The following SCN11A variants were observed in gnomAD, a reference collection of about 807,000 sequenced individuals.
The protein encoded by SCN11A is sodium voltage-gated channel alpha subunit 11, also known as sodium channel protein type 11 subunit alpha.
In SCN11A, 122 loss-of-function variants were observed where a neutral mutation model predicts 162.2. The ratio of observed to expected loss-of-function variants is 0.75; its 90% CI spans 0.65 to 0.87. The LOEUF (loss-of-function observed/expected upper bound fraction) is 0.87. Among genes scored for constraint, SCN11A ranks in the 40% least tolerant of loss-of-function variants. SCN11A has a pLI of 0.00. For synonymous variants in SCN11A, 758 were observed against 751.5 expected, an observed-to-expected ratio of 1.01 and a Z score of -0.14; for missense variants, 2,015 against 2,181.6, an observed-to-expected ratio of 0.92 and a Z score of 1.52.
In SCN11A at chr3:38,880,180, G is replaced by A. The variant is rs546079576; in HGVS notation, c.3220-57C>T. The A allele has an allele frequency of 4.6e-4, 595 of 1,297,594 alleles. 5 individuals are homozygous for A. The African/African-American group carries it at 6.8e-3, about 15-fold the overall frequency. 80.4% of individuals were successfully genotyped at this position (1,297,594 alleles called of 1,614,324 possible). On this transcript the variant is annotated intron_variant, in intron 22 of 29. Coordinates refer to ENST00000302328, the MANE Select transcript of SCN11A (RefSeq NM_001349253.2). ...TTGAATATTTGCAAAGAACTCCTTG[G>A]TAACTTTACTTTTTGTTTTTCTTCC...
intron 2 of SCN11A, among the ~76,000 whole-genome samples, chr3:38,998,207 AAC>A (rs2030702227): frequency 6.6e-6 from 1 of 152,226 alleles, no homozygotes; most frequent in Non-Finnish European, 1.5e-5. Flanking sequence ...AGGAAGAACA[AAC>A]AGTTATCTCT....
At chr3:39,013,452 A>C (rs971945593) in intron 2 of SCN11A, among the ~76,000 whole-genome samples, 7 of 148,006 alleles carry the variant, frequency 4.7e-5, no homozygotes, top group African/African-American at 1.8e-4. Context: ...TTTTTTTTCC[A>C]GTCTCCCAGT....
At chr3:38,998,800 C>T (rs905895245) in intron 2 of SCN11A, among the ~76,000 whole-genome samples, 1 of 150,442 alleles carries the variant, frequency 6.6e-6, no homozygotes, top group Non-Finnish European at 1.5e-5. Context: ...AGCAAACTAT[C>T]ACAAGGACAA....
chr3:38,999,401 AAAG>A (rs775235503), intron 2 of SCN11A, among the ~76,000 whole-genome samples: 24 of 152,344 alleles, frequency 1.6e-4, no homozygotes, highest in Non-Finnish European at 3.2e-4. Context: ...TCAAGATTTT[AAAG>A]AAGGTAAATT....
intron 2 of SCN11A, among the ~76,000 whole-genome samples, chr3:38,978,641 G>A (rs1467580132): frequency 9.2e-6 from 1 of 108,944 alleles, no homozygotes; most frequent in East Asian, 2.7e-4. Flanking sequence ...GTGAGACCCT[G>A]TCTCAAAAAA....
intron 2 of SCN11A, among the ~76,000 whole-genome samples, chr3:38,966,951 G>C (rs2066786467): frequency 6.6e-6 from 1 of 152,226 alleles, no homozygotes; most frequent in Non-Finnish European, 1.5e-5. Context: ...TATTTGGAAA[G>C]TGATCTCAGG....
chr3:38,916,345 T>C (rs149483449), intron 11 of SCN11A, among the ~76,000 whole-genome samples: 3 of 152,326 alleles, frequency 2.0e-5, no homozygotes, highest in African/African-American at 7.2e-5. Flanking sequence ...TTCTGTCTCC[T>C]AAACGTCTCT....
At chr3:38,930,874 T>A (rs906878875) in intron 7 of SCN11A, among the ~76,000 whole-genome samples, 2 of 152,184 alleles carry the variant, frequency 1.3e-5, no homozygotes, top group African/African-American at 4.8e-5. Flanking sequence ...CTCCTGCCTC[T>A]CTGCTTAAAG....
chr3:38,907,310 A>ATGTGTGTGTGTGTG (rs141158768), intron 14 of SCN11A, among the ~76,000 whole-genome samples: 5,113 of 118,960 alleles, frequency 0.043, 122 homozygotes, highest in Middle Eastern at 0.077. Context: ...ACCAACATAT[A>ATGTGTGTGTGTGTG]TGTGTGTGTG....
At chr3:39,051,834 A>G (rs779718594) in intron 1 of SCN11A, among the ~76,000 whole-genome samples, 27 bp downstream of exon 1, 6 of 152,126 alleles carry the variant, frequency 3.9e-5, no homozygotes, top group Non-Finnish European at 7.4e-5. Context: ...ATACTTGCAC[A>G]GTGGTTTTGT....
chr3:38,927,153 T>G (rs1307329930), intron 7 of SCN11A, among the ~76,000 whole-genome samples: 1 of 152,208 alleles, frequency 6.6e-6, no homozygotes, highest in East Asian at 1.9e-4. Flanking sequence ...GAAGCTGCAT[T>G]TCAAGGCCTA....
At chr3:38,978,575 G>A (rs1165061968) in intron 2 of SCN11A, among the ~76,000 whole-genome samples, 3 of 152,048 alleles carry the variant, frequency 2.0e-5, no homozygotes, top group Non-Finnish European at 4.4e-5. Context: ...GAGCCTGGGA[G>A]GCAGAGGTTG....
intron 26 of SCN11A, among the ~76,000 whole-genome samples, chr3:38,869,627 A>G (rs1181536579): frequency 6.6e-6 from 1 of 152,176 alleles, no homozygotes; most frequent in Non-Finnish European, 1.5e-5. Flanking sequence ...GAATGGCCAT[A>G]AAGATTAATT....
chr3:38,878,792 C>T (rs1653204834), intron 23 of SCN11A, among the ~76,000 whole-genome samples: 1 of 152,046 alleles, frequency 6.6e-6, no homozygotes, highest in Non-Finnish European at 1.5e-5. Flanking sequence ...ATTAAATGAA[C>T]ACATGGTCTA....
chr3:38,939,566 TTCTC>T (rs1248118323), intron 7 of SCN11A, among the ~76,000 whole-genome samples: 3 of 152,188 alleles, frequency 2.0e-5, no homozygotes, highest in Admixed American at 6.5e-5. Flanking sequence ...TACTGGATAA[TTCTC>T]TCTTTCTTTC....
chr3:38,859,033 G>C (rs2064919658), intron 28 of SCN11A, among the ~76,000 whole-genome samples: 1 of 151,934 alleles, frequency 6.6e-6, no homozygotes, highest in Non-Finnish European at 1.5e-5. Flanking sequence ...GGTGCTAAGA[G>C]GAAAGTTTGT....
intron 11 of SCN11A, among the ~76,000 whole-genome samples, chr3:38,916,019 G>C (rs1297128997): frequency 2.0e-5 from 3 of 152,054 alleles, no homozygotes; most frequent in African/African-American, 7.2e-5. Context: ...GATTAGTTAG[G>C]TCTTCTTGTT....
chr3:38,907,983 G>A lies in SCN11A; in HGVS notation c.1439C>T (p.Pro480Leu). The change falls in exon 14 of 30, where the codon CCT becomes CTT. Residue 480 changes from proline (P) to leucine (L), a missense_variant. Coordinates refer to ENST00000302328, the MANE Select transcript of SCN11A (RefSeq NM_001349253.2). ...GCAATCTTCATCAGAATCTGACCCA[G>A]GAGGCTGGTCTTTCCCAGACTCTCT... ...FLRESGKDQP[P>L]GSDSDEDCQK... The A allele has an allele frequency of 1.2e-6, 2 of 1,609,428 alleles. No individual in the cohort carries two copies. Among genetic ancestry groups the A allele is most frequent in the Non-Finnish European group, 1.7e-6 (2 of 1,179,012 alleles).
chr3:38,919,240 C>A (rs2066008387), intron 11 of SCN11A, among the ~76,000 whole-genome samples: 1 of 152,212 alleles, frequency 6.6e-6, no homozygotes, highest in South Asian at 2.1e-4. Context: ...AAACGTGGAG[C>A]TGCCTTGTTC....
Sources: gnomAD v4.1 joint callset for allele counts (sites outside exome capture counted in the v4.1 genomes callset) on GRCh38, gnomAD v4.1.1 for gene constraint, MANE v1.5 for transcripts, NCBI Gene and HGNC (gene_info 2026-07-23, HGNC 2026-07-21) for gene names.